Variants in FMNL3 observed in about 807,000 individuals in gnomAD.
FMNL3 encodes the protein formin-like protein 3.
Under a neutral mutation model 119.6 loss-of-function variants are expected in FMNL3, and 57 were observed. The ratio of observed to expected loss-of-function variants is 0.48; its 90% CI spans 0.39 to 0.59. The LOEUF (loss-of-function observed/expected upper bound fraction) is 0.59. FMNL3 is among the 20% of genes least tolerant of loss of function. The pLI is 0.00. For synonymous variants in FMNL3, 491 were observed against 507.3 expected (o/e 0.97, Z 0.43); for missense variants, 1,053 against 1,323.5 (o/e 0.80, Z 3.17).
intron 4 of FMNL3, among the ~76,000 whole-genome samples, chr12:49,665,016 C>A (rs1364689575): frequency 6.6e-6 from 1 of 151,884 alleles, no homozygotes; most frequent in Non-Finnish European, 1.5e-5. Context: ...GCCTGCAGTT[C>A]TACATCACGT....
In FMNL3 at chr12:49,642,751, C is replaced by T; in HGVS notation, c.*3064G>A. On this transcript the variant is annotated 3_prime_UTR_variant, in exon 26 of 26. Transcript: ENST00000335154. This position sits in a 1 kb window ranked among gnomAD's most constrained non-coding sequence, Gnocchi z 5.8. ...ACCAGTTCAACAGAGACCTCAGTGG[C>T]CTCCCTCTTACCCTTAGGGCACTCC... The T allele has an allele frequency of 2.0e-6, 3 of 1,510,370 alleles. No homozygotes were observed. The highest frequency in any genetic ancestry group is 2.7e-6 in the Non-Finnish European group (3 of 1,105,778). 93.6% of individuals were successfully genotyped at this position (1,510,370 alleles called of 1,614,324 possible).
rs1942084508 is a variant in FMNL3 at position 49,638,023 on chromosome 12, G to A, written c.*7792C>T. ...ACAGGAGCTCATGGTCTAATAGGAA[G>A]ATATACATGAGAACTGTTATACAAA... On this transcript the variant is annotated 3_prime_UTR_variant, in exon 26 of 26. Transcript: ENST00000335154. 1.7e-6 allele frequency: 1 copy of A among 572,934 alleles called. No individual in the cohort carries two copies. The highest frequency in any genetic ancestry group is 1.9e-5 in the African/African-American group (1 of 53,430). The allele number at this position is 572,934 out of a possible 1,614,324, so 35.5% of individuals were successfully genotyped here.
rs1942750753 is a variant in FMNL3 at position 49,642,130 on chromosome 12, T to C, written c.*3685A>G. The C allele has an allele frequency of 3.1e-6, 5 of 1,603,958 alleles. No individual in the cohort carries two copies. The South Asian group carries it at 5.5e-5, about 18-fold the overall frequency. On this transcript the variant is annotated 3_prime_UTR_variant, in exon 26 of 26. Coordinates refer to ENST00000335154, the MANE Select transcript of FMNL3 (RefSeq NM_175736.5). The surrounding 1 kb of genome is among the most constrained non-coding windows in gnomAD (Gnocchi z 5.8). Reference sequence around the variant, plus strand: ...ACTATATTCCCAATTCAGGGGATGGTGGTAGAAGCCCAGACCCTAACTTTC... The same window carrying C: ...ACTATATTCCCAATTCAGGGGATGGCGGTAGAAGCCCAGACCCTAACTTTC...
At chr12:49,656,314 G>T in intron 9 of FMNL3, 90 bp downstream of exon 9, 1 of 944,750 alleles carries the variant, frequency 1.1e-6, no homozygotes, top group Non-Finnish European at 1.6e-6. Context: ...AAAAATCATT[G>T]CAGATCACAG....
At chr12:49,698,630 G>A (rs1259571377) in intron 1 of FMNL3, among the ~76,000 whole-genome samples, 1 of 152,052 alleles carries the variant, frequency 6.6e-6, no homozygotes, top group Non-Finnish European at 1.5e-5. Flanking sequence ...AGAGAACCTG[G>A]AAAGAGGAAG....
chr12:49,648,097 C>G, intron 22 of FMNL3, 96 bp downstream of exon 22: 1 of 1,416,238 alleles, frequency 7.1e-7, no homozygotes, highest in East Asian at 2.4e-5. Context: ...CAGCCAGCTG[C>G]TTGATTTAAA....
chr12:49,706,962 G>C (rs1945065669), intron 1 of FMNL3, 93 bp downstream of exon 1: 2 of 1,405,400 alleles, frequency 1.4e-6, no homozygotes, highest in African/African-American at 1.5e-5. Flanking sequence ...GACTGAAAGG[G>C]TGGGCGGGAC....
At chr12:49,679,337 T>C (rs556499350) in intron 1 of FMNL3, among the ~76,000 whole-genome samples, 1 of 152,076 alleles carries the variant, frequency 6.6e-6, no homozygotes, top group South Asian at 2.1e-4. Flanking sequence ...TAGCCCTTCT[T>C]TGCACCTTTC....
chr12:49,703,030 T>C lies in FMNL3; in HGVS notation c.126+4025A>G, dbSNP rs559572050. Among the ~76,000 whole-genome samples the C allele has an allele frequency of 2.0e-5, 3 of 152,216 alleles. No homozygotes were observed. In the East Asian group the frequency reaches 5.8e-4, roughly 29 times the overall value. ...AAGTTGTCAGTCATCACCAGGGAAA[T>C]GTGAGAGGAGAAACTGCAGCAGGGA... On this transcript the variant is annotated intron_variant, in intron 1 of 25. Transcript: ENST00000335154.
chr12:49,636,641 A>T lies in FMNL3; in HGVS notation c.*9174T>A. 6.3e-7 allele frequency: 1 copy of T among 1,594,318 alleles called. No homozygotes were observed. The highest frequency in any genetic ancestry group is 8.6e-7 in the Non-Finnish European group (1 of 1,165,252). On this transcript the variant is annotated 3_prime_UTR_variant, in exon 26 of 26. Transcript: ENST00000335154. ...TAGCACCTGTAGGACAGCATCGTTG[A>T]AACATTAGGGGTGCTGGGGTCTGAG...
At chr12:49,662,150 C>T in intron 4 of FMNL3, 101 bp from the exon 5 acceptor site, 1 of 1,052,262 alleles carries the variant, frequency 9.5e-7, no homozygotes, top group East Asian at 2.4e-5. Context: ...TCCTGGAACC[C>T]AGCACCAGGC....
chr12:49,636,950 C>T lies in FMNL3; in HGVS notation c.*8865G>A, dbSNP rs1179425474. The T allele has an allele frequency of 6.5e-7, 1 of 1,549,746 alleles. No homozygotes were observed. The highest frequency in any genetic ancestry group is 8.8e-7 in the Non-Finnish European group (1 of 1,142,704). ...CTTCTGGATACGCTGCCTGTTCTTTCTGTGCCTAGCCCTGTCCAAGCTCTA... is the reference window on the plus strand; with the variant it reads ...CTTCTGGATACGCTGCCTGTTCTTTTTGTGCCTAGCCCTGTCCAAGCTCTA... On this transcript the variant is annotated 3_prime_UTR_variant, in exon 26 of 26. Transcript: ENST00000335154.
chr12:49,654,886 C>T (rs774275043), intron 10 of FMNL3, 24 bp downstream of exon 10: 2 of 1,611,506 alleles, frequency 1.2e-6, no homozygotes. Flanking sequence ...TGGGTATGTG[C>T]TGGACCCAGG....
At position 49,643,418 on chromosome 12, in the gene FMNL3, T is replaced by C; in HGVS notation, c.*2397A>G. Reference sequence around the variant, plus strand: ...AGCAGGTAAGCAGTTGCTGTGAGCGTAGAAGCTGGAGAACTGTTGTCCCAG... The same window carrying C: ...AGCAGGTAAGCAGTTGCTGTGAGCGCAGAAGCTGGAGAACTGTTGTCCCAG... On this transcript the variant is annotated 3_prime_UTR_variant, in exon 26 of 26. Coordinates refer to ENST00000335154, the MANE Select transcript of FMNL3 (RefSeq NM_175736.5). 6.5e-7 allele frequency: 1 copy of C among 1,535,156 alleles called. No homozygotes were observed. The highest frequency in any genetic ancestry group is 1.3e-5 in the South Asian group (1 of 77,430).
intron 1 of FMNL3, among the ~76,000 whole-genome samples, chr12:49,688,241 C>G (rs558742687): frequency 1.3e-5 from 2 of 152,194 alleles, no homozygotes; most frequent in Admixed American, 1.3e-4. Context: ...GCCACCATCA[C>G]CCTGCAGGGG....
intron 1 of FMNL3, among the ~76,000 whole-genome samples, chr12:49,673,890 T>C (rs1238950411): frequency 2.0e-5 from 3 of 152,150 alleles, no homozygotes; most frequent in African/African-American, 7.2e-5. Flanking sequence ...TGCAATCCTT[T>C]GTAAAAGGGA....
intron 10 of FMNL3, among the ~76,000 whole-genome samples, chr12:49,654,699 G>A (rs1041241407): frequency 2.0e-5 from 3 of 152,240 alleles, no homozygotes; most frequent in Middle Eastern, 6.8e-3. Flanking sequence ...CAGAAAAGAG[G>A]AAAAGGAGGT....
rs552783251 is a variant in FMNL3, at chr12:49,641,937, G to A, written c.*3878C>T. ...GGGGCTTCTGCGTGGAGGTGAACAC[G>A]GCCTTTGAGGACTTCGCCCACGTCA... On this transcript the variant is annotated 3_prime_UTR_variant, in exon 26 of 26. Coordinates refer to ENST00000335154, the MANE Select transcript of FMNL3 (RefSeq NM_175736.5). 93 of 1,613,738 alleles carry A rather than the reference G, an allele frequency of 5.8e-5. 1 individual carries two copies. The highest frequency in any genetic ancestry group is 5.1e-4 in the South Asian group (46 of 91,076).
At chr12:49,705,086 G>A (rs1945011765) in intron 1 of FMNL3, among the ~76,000 whole-genome samples, 1 of 152,112 alleles carries the variant, frequency 6.6e-6, no homozygotes, top group East Asian at 1.9e-4. Context: ...CCCCAAGAAG[G>A]GATGATTTCC....
Sources: gnomAD v4.1 joint callset for allele counts (sites outside exome capture counted in the v4.1 genomes callset) on GRCh38, gnomAD v4.1.1 for gene constraint, Gnocchi (gnomAD v3.1) non-coding constraint, MANE v1.5 for transcripts, NCBI Gene and HGNC (gene_info 2026-07-23, HGNC 2026-07-21) for gene names.